ARHGAP26: variants seen among roughly 807,000 people sequenced by gnomAD.
ARHGAP26 encodes the protein Rho GTPase activating protein 26, also known as rho GTPase-activating protein 26.
ARHGAP26 carries 38 observed loss-of-function variants against 104.8 expected under a neutral mutation model. The observed-to-expected ratio is 0.36, with a 90% CI of 0.28 to 0.48. The LOEUF (loss-of-function observed/expected upper bound fraction) is 0.48, where lower values mean the gene tolerates loss of function less well. Ranked by LOEUF, ARHGAP26 falls within the 20% of genes least tolerant of loss-of-function variation. ARHGAP26 has a pLI of 0.99. For synonymous variants in ARHGAP26, 341 were observed against 340.0 expected, an observed-to-expected ratio of 1.00 and a Z score of -0.03; for missense variants, 704 against 947.9, an observed-to-expected ratio of 0.74 and a Z score of 3.38.
chr5:142,889,863 G>A (rs527954350), intron 5 of ARHGAP26, among the ~76,000 whole-genome samples: 10 of 151,742 alleles, frequency 6.6e-5, no homozygotes, highest in East Asian at 3.9e-4. Context: ...GGCCTGGCGC[G>A]GTGGCTCATG....
In ARHGAP26 at chr5:143,223,069, T is replaced by C. The variant is rs1811392042; in HGVS notation, c.*623T>C. ...AGTGAGATACAATCCAGTCTTCTCATGCACGGGAACACACACACCCTGCGT... is the reference window on the plus strand; with the variant it reads ...AGTGAGATACAATCCAGTCTTCTCACGCACGGGAACACACACACCCTGCGT... On this transcript the variant is annotated 3_prime_UTR_variant, in exon 23 of 23. Transcript: ENST00000645722. 8.6e-6 allele frequency: 2 copies of C among 233,372 alleles called. No homozygotes were observed. Among genetic ancestry groups the C allele is most frequent in the Non-Finnish European group, 8.5e-6 (1 of 117,914 alleles). 14.5% of individuals were successfully genotyped at this position (233,372 alleles called of 1,614,324 possible).
chr5:142,910,441 T>A (rs1325302277), intron 9 of ARHGAP26, among the ~76,000 whole-genome samples: 3 of 152,198 alleles, frequency 2.0e-5, no homozygotes, highest in Non-Finnish European at 1.5e-5. Flanking sequence ...ATATATTTTT[T>A]AAAAATAGAG....
chr5:142,884,533 C>A (rs1757449034), intron 4 of ARHGAP26, among the ~76,000 whole-genome samples: 1 of 152,158 alleles, frequency 6.6e-6, no homozygotes, highest in Admixed American at 6.5e-5. Context: ...TCATCTTTGT[C>A]CATAGGTAGA....
chr5:143,069,887 T>C (rs893867502), intron 17 of ARHGAP26, among the ~76,000 whole-genome samples: 1 of 152,198 alleles, frequency 6.6e-6, no homozygotes, highest in Non-Finnish European at 1.5e-5. Context: ...TTCCTAATAC[T>C]TGGTTACACA....
chr5:142,952,426 G>A (rs1768539493), intron 11 of ARHGAP26, among the ~76,000 whole-genome samples: 2 of 152,082 alleles, frequency 1.3e-5, no homozygotes, highest in South Asian at 4.1e-4. Flanking sequence ...ATCTGTTTTG[G>A]TGTTTGCCTA....
chr5:142,989,653 G>A (rs1283723010), intron 11 of ARHGAP26, among the ~76,000 whole-genome samples: 1 of 152,126 alleles, frequency 6.6e-6, no homozygotes. Flanking sequence ...CAGGCCTGGT[G>A]GTGACAAAAT....
chr5:143,054,908 C>T (rs1785575165), intron 15 of ARHGAP26, among the ~76,000 whole-genome samples: 1 of 152,220 alleles, frequency 6.6e-6, no homozygotes, highest in South Asian at 2.1e-4. Flanking sequence ...TTGATAGTTT[C>T]ATACTTTACA....
At position 142,873,426 on chromosome 5, in the gene ARHGAP26, G is replaced by A. The variant is rs1450754303; in HGVS notation, c.181G>A (p.Ala61Thr). 1.3e-6 allele frequency: 2 copies of A among 1,598,238 alleles called. No individual in the cohort carries two copies. Among genetic ancestry groups the A allele is most frequent in the Non-Finnish European group, 1.7e-6 (2 of 1,176,012 alleles). ...TTTGTCTTCAGCGAAGCGGAAGTTTGCAGATTCCTTAAATGAATTTAAATT... is the reference window on the plus strand; with the variant it reads ...TTTGTCTTCAGCGAAGCGGAAGTTTACAGATTCCTTAAATGAATTTAAATT... The part of the protein sequence containing the change: ...KNLSSAKRKF[A>T]DSLNEFKFQC... The change falls in exon 2 of 23, where the codon GCA (alanine) becomes ACA (threonine). Residue 61 changes from alanine (A) to threonine (T), a missense_variant. This residue lies in a region of ARHGAP26 where 77 missense variants were observed against 82.6 expected (regional missense o/e 0.93). Coordinates refer to ENST00000645722, the MANE Select transcript of ARHGAP26 (RefSeq NM_001135608.3).
intron 17 of ARHGAP26, among the ~76,000 whole-genome samples, chr5:143,092,784 A>G (rs1171190192): frequency 5.9e-5 from 9 of 152,242 alleles, no homozygotes; most frequent in Admixed American, 5.9e-4. Flanking sequence ...ATTGGTATAG[A>G]TGGCTCTTTC....
At chr5:142,851,181 C>T (rs1365254112) in intron 1 of ARHGAP26, among the ~76,000 whole-genome samples, 5 of 151,380 alleles carry the variant, frequency 3.3e-5, no homozygotes, top group Non-Finnish European at 5.9e-5. Context: ...ACTGCAAGCT[C>T]TGCCTCACGA....
intron 19 of ARHGAP26, among the ~76,000 whole-genome samples, chr5:143,140,903 A>G (rs760318795): frequency 6.6e-6 from 1 of 152,224 alleles, no homozygotes; most frequent in Non-Finnish European, 1.5e-5. Context: ...AATTCAGCTT[A>G]TATATTTCTC....
intron 20 of ARHGAP26, among the ~76,000 whole-genome samples, chr5:143,175,116 TGCTATATAAG>T (rs1028865150): frequency 1.3e-5 from 2 of 152,258 alleles, no homozygotes; most frequent in Admixed American, 6.5e-5. Flanking sequence ...ATGTTCTCTC[TGCTATATAAG>T]GCTATTTAAC....
intron 17 of ARHGAP26, among the ~76,000 whole-genome samples, chr5:143,074,587 T>C (rs565955935): frequency 2.3e-4 from 35 of 152,364 alleles, no homozygotes; most frequent in African/African-American, 7.9e-4. Context: ...TAAAGTTTTA[T>C]TGGAACAGAG....
chr5:143,141,449 A>G (rs1798526934), intron 19 of ARHGAP26, among the ~76,000 whole-genome samples: 1 of 152,368 alleles, frequency 6.6e-6, no homozygotes, highest in Middle Eastern at 3.4e-3. Context: ...AGCGTGGCCC[A>G]TACGGGATAT....
chr5:143,089,962 A>C (rs1791165047), intron 17 of ARHGAP26, among the ~76,000 whole-genome samples: 1 of 152,244 alleles, frequency 6.6e-6, no homozygotes, highest in African/African-American at 2.4e-5. Context: ...TATTCGGCAG[A>C]GTGTCCAGTA....
intron 1 of ARHGAP26, among the ~76,000 whole-genome samples, chr5:142,792,159 G>T (rs151151808): frequency 6.6e-6 from 1 of 152,224 alleles, no homozygotes; most frequent in African/African-American, 2.4e-5. Flanking sequence ...CACATCTCTT[G>T]TTCTTCCAGT....
chr5:142,885,912 T>A (rs1183552521), intron 5 of ARHGAP26, among the ~76,000 whole-genome samples: 1 of 152,236 alleles, frequency 6.6e-6, no homozygotes, highest in Non-Finnish European at 1.5e-5. Context: ...TGTATATATT[T>A]TGTGCTTTGG....
At chr5:142,872,692 C>T (rs447923) in intron 1 of ARHGAP26, among the ~76,000 whole-genome samples, 77,499 of 152,042 alleles carry the variant, frequency 0.51, 23,536 homozygotes, top group East Asian at 0.9. Flanking sequence ...ATGGATACTG[C>T]GTGTGGCATG....
At chr5:142,931,875 C>T (rs1764771403) in intron 10 of ARHGAP26, among the ~76,000 whole-genome samples, 172 bp from the exon 11 acceptor site, 1 of 152,202 alleles carries the variant, frequency 6.6e-6, no homozygotes, top group Non-Finnish European at 1.5e-5. Flanking sequence ...GGAATTTGGG[C>T]CATCCTTTCT....
Sources: allele counts gnomAD v4.1 joint callset (sites outside exome capture counted in the v4.1 genomes callset), GRCh38; gene constraint gnomAD v4.1.1; regional missense constraint gnomAD v4.1.1; transcripts MANE v1.5; gene names NCBI Gene and HGNC (gene_info 2026-07-23, HGNC 2026-07-21).